The following RNF157 variants were observed in gnomAD, a reference collection of about 807,000 sequenced individuals.
RNF157 encodes E3 ubiquitin ligase RNF157.
A neutral mutation model predicts 88.3 loss-of-function variants in RNF157; 55 were observed. That is an observed-to-expected ratio of 0.62 (90% CI 0.50 to 0.78). The LOEUF is 0.78. Among genes scored for constraint, RNF157 ranks in the 30% least tolerant of loss-of-function variants. RNF157 has a pLI of 0.00. For synonymous variants in RNF157, 334 were observed against 341.2 expected (o/e 0.98, Z 0.23); for missense variants, 788 against 860.8 (o/e 0.92, Z 1.06).
In RNF157 at chr17:76,240,360, T is replaced by G. The variant is rs2070360095; in HGVS notation, c.-120A>C. ...GACTGCCCGCCGCGGCCGGCTCCGC[T>G]GCGGCGCTGCGGCTCTGGCGGCGGG... On this transcript the variant is annotated 5_prime_UTR_variant, in exon 1 of 19. Transcript: ENST00000269391. The surrounding 1 kb of genome is among the most constrained non-coding windows in gnomAD (Gnocchi z 4.4). The G allele has an allele frequency of 4.1e-6, 1 of 243,754 alleles. No homozygotes were observed. The highest frequency in any genetic ancestry group is 6.8e-5 in the Admixed American group (1 of 14,782). The allele number at this position is 243,754 out of a possible 1,614,324, so 15.1% of individuals were successfully genotyped here.
intron 1 of RNF157, among the ~76,000 whole-genome samples, chr17:76,235,596 G>A (rs561002265): frequency 2.0e-5 from 3 of 152,230 alleles, no homozygotes; most frequent in Admixed American, 6.5e-5. Flanking sequence ...ATAGTTATTC[G>A]ACAAAGACTT....
At chr17:76,202,992 T>C (rs1306922875) in intron 2 of RNF157, among the ~76,000 whole-genome samples, 2 of 152,202 alleles carry the variant, frequency 1.3e-5, no homozygotes, top group Non-Finnish European at 2.9e-5. Context: ...AATTAGATTG[T>C]AATAGTTATC....
rs909629091 is a variant in RNF157 at position 76,157,101 on chromosome 17, G to C, written c.1414-780C>G. Among the ~76,000 whole-genome samples, 3 of 152,042 alleles carry C rather than the reference G, an allele frequency of 2.0e-5. No homozygotes were observed. Among genetic ancestry groups the C allele is most frequent in the African/African-American group, 7.2e-5 (3 of 41,400 alleles). On this transcript the variant is annotated intron_variant, in intron 13 of 18. Coordinates refer to ENST00000269391, the MANE Select transcript of RNF157 (RefSeq NM_052916.3). This position sits in a 1 kb window ranked among gnomAD's most constrained non-coding sequence, Gnocchi z 5.6. ...CCTGCCTCAGCCTCCCGAGTAGCTG[G>C]GACTACAGGTGCATGCCACCACACC...
At position 76,159,313 on chromosome 17, in the gene RNF157, G is replaced by A. The variant is rs777676626; in HGVS notation, c.1304+22C>T. 13 of 1,588,712 alleles carry A rather than the reference G, an allele frequency of 8.2e-6. 1 individual carries two copies. The South Asian group carries it at 1.4e-4, about 18-fold the overall frequency. The stretch of plus-strand genomic sequence containing the variant: ...TTCATCAAGGATTCCGGGGGCAACA[G>A]TGTGGAGCACTGGCTACTCACTTGG... On this transcript the variant is annotated intron_variant, in intron 12 of 18. Coordinates refer to ENST00000269391, the MANE Select transcript of RNF157 (RefSeq NM_052916.3).
chr17:76,222,344 C>A (rs1180330533), intron 1 of RNF157, among the ~76,000 whole-genome samples: 1 of 143,144 alleles, frequency 7.0e-6, no homozygotes, highest in East Asian at 2.0e-4. Flanking sequence ...AAGACCCCGT[C>A]TCAAAAAAAA....
At position 76,161,606 on chromosome 17, in the gene RNF157, A is replaced by G. The variant is rs554432329; in HGVS notation, c.994T>C (p.Leu332=). The G allele has an allele frequency of 2.5e-6, 4 of 1,614,028 alleles. No individual in the cohort carries two copies. In the Admixed American group the frequency reaches 5.0e-5, roughly 20 times the overall value. Residue 332 remains leucine (L), a synonymous_variant, in exon 11 of 19, where the codon TTG becomes CTG. Transcript: ENST00000269391. The surrounding 1 kb of genome is among the most constrained non-coding windows in gnomAD (Gnocchi z 4.6). ...LLQIRAMRKK[L]GPLSPTSFNP... ...AAGCTGGTTGGGGACAAGGGGCCCA[A>G]TTTTTTCCTCATGGCTCGGATCTGA...
chr17:76,155,469 T>A, intron 15 of RNF157, 93 bp downstream of exon 15: 1 of 1,513,768 alleles, frequency 6.6e-7, no homozygotes, highest in East Asian at 2.3e-5. Flanking sequence ...TTTGGGGGCT[T>A]TGCAGCCATG....
chr17:76,182,203 T>C (rs1043590439), intron 2 of RNF157, among the ~76,000 whole-genome samples: 2 of 152,138 alleles, frequency 1.3e-5, no homozygotes, highest in African/African-American at 2.4e-5. Flanking sequence ...AGAATGGAAG[T>C]AGAGTTGGGC....
In RNF157 at chr17:76,240,227, G is replaced by C; in HGVS notation, c.14C>G (p.Thr5Arg). 1.5e-6 allele frequency: 2 copies of C among 1,369,828 alleles called. No homozygotes were observed. The highest frequency in any genetic ancestry group is 1.9e-6 in the Non-Finnish European group (2 of 1,046,356). The allele number at this position is 1,369,828 out of a possible 1,614,324, so 84.9% of individuals were successfully genotyped here. A position where few individuals can be genotyped will look rare whatever the true frequency, so the allele number is the denominator to read the frequency against. ...CTCCACGCCCGCGTGCTGCCGGCTC[G>C]TCAGGGCCCCCATGGCCGCTGCGGC... MGALTSRQHAGVEEV... is the reference protein window; with the variant it reads MGALRSRQHAGVEEV... The change falls in exon 1 of 19, where the codon ACG becomes AGG. Residue 5 changes from threonine (T) to arginine (R), a missense_variant. Transcript: ENST00000269391. This position sits in a 1 kb window ranked among gnomAD's most constrained non-coding sequence, Gnocchi z 4.4.
At chr17:76,173,580 G>A in intron 3 of RNF157, 122 bp downstream of exon 3, 2 of 720,568 alleles carry the variant, frequency 2.8e-6, no homozygotes, top group Non-Finnish European at 4.7e-6. Context: ...CTGAGGCCCA[G>A]AGAAGCAAGC....
Position 76,240,345 on chromosome 17 carries a change from C to CGCGGCCGGCTCCGCT in RNF157, c.-120_-106dup, listed in dbSNP as rs1305943574. The CGCGGCCGGCTCCGCT allele has an allele frequency of 8.3e-6, 3 of 360,076 alleles. No individual in the cohort carries two copies. The highest frequency in any genetic ancestry group is 6.7e-5 in the African/African-American group (3 of 44,728). The allele number at this position is 360,076 out of a possible 1,614,324, so 22.3% of individuals were successfully genotyped here. A position where few individuals can be genotyped will look rare whatever the true frequency, so the allele number is the denominator to read the frequency against. The stretch of plus-strand genomic sequence containing the variant: ...CCCGGTGCGGGGGCCGACTGCCCGC[C>CGCGGCCGGCTCCGCT]GCGGCCGGCTCCGCTGCGGCGCTGC... On this transcript the variant is annotated 5_prime_UTR_variant, in exon 1 of 19. Transcript: ENST00000269391. This position sits in a 1 kb window ranked among gnomAD's most constrained non-coding sequence, Gnocchi z 4.4.
chr17:76,196,208 C>T (rs2069475130), intron 2 of RNF157, among the ~76,000 whole-genome samples: 1 of 152,178 alleles, frequency 6.6e-6, no homozygotes, highest in Non-Finnish European at 1.5e-5. Context: ...AGCCAAGGAC[C>T]CTCCTGGGCT....
chr17:76,189,647 G>A (rs1175395673), intron 2 of RNF157, among the ~76,000 whole-genome samples: 1 of 152,116 alleles, frequency 6.6e-6, no homozygotes, highest in Non-Finnish European at 1.5e-5. Flanking sequence ...ACGAAAAGGG[G>A]GCACGGAGCT....
In RNF157 at chr17:76,159,512, G is replaced by T; in HGVS notation, c.1127C>A (p.Pro376His). 1.2e-6 allele frequency: 2 copies of T among 1,607,114 alleles called. No homozygotes were observed. The highest frequency in any genetic ancestry group is 1.7e-6 in the Non-Finnish European group (2 of 1,177,950). ...VVSLLEALNG[P>H]LTPSPAVPPL... ...AGGAACTGCTGGGGACGGGGTGAGG[G>T]GCCCGTTGAGGGCCTCCAGAAGAGA... Residue 376 changes from proline to histidine, a missense_variant, in exon 12 of 19, where the codon CCC becomes CAC. By Grantham distance (77) the Pro-to-His change is moderately conservative. Transcript: ENST00000269391.
intron 2 of RNF157, among the ~76,000 whole-genome samples, chr17:76,202,142 A>T (rs879555466): frequency 2.3e-4 from 35 of 150,160 alleles, no homozygotes; most frequent in African/African-American, 7.1e-4. Flanking sequence ...ACACACACAC[A>T]CACACACACA....
intron 16 of RNF157, among the ~76,000 whole-genome samples, chr17:76,154,846 G>T (rs1043330969): frequency 2.6e-5 from 4 of 152,130 alleles, no homozygotes; most frequent in African/African-American, 9.7e-5. Context: ...CTAGATGGGT[G>T]CAGTGGGCTG....
chr17:76,208,382 C>A (rs1244466651), intron 2 of RNF157, among the ~76,000 whole-genome samples: 1 of 152,214 alleles, frequency 6.6e-6, no homozygotes, highest in Non-Finnish European at 1.5e-5. Context: ...AGGTTCCAAT[C>A]CTGATCCCTT....
Position 76,240,291 on chromosome 17 carries a change from C to T in RNF157, c.-51G>A, listed in dbSNP as rs2070358149. The T allele has an allele frequency of 1.1e-6, 1 of 913,938 alleles. No homozygotes were observed. 56.6% of individuals were successfully genotyped at this position (913,938 alleles called of 1,614,324 possible). On this transcript the variant is annotated 5_prime_UTR_variant, in exon 1 of 19. Coordinates refer to ENST00000269391, the MANE Select transcript of RNF157 (RefSeq NM_052916.3). The surrounding 1 kb of genome is among the most constrained non-coding windows in gnomAD (Gnocchi z 4.4). ...CGGCCCCGGTGCCCGCGCCGCCCTC[C>T]GCGCTTCACCGCGGCCGCCCGCCCC...
intron 1 of RNF157, among the ~76,000 whole-genome samples, chr17:76,224,743 C>CA (rs1190029882): frequency 1.3e-5 from 2 of 151,576 alleles, no homozygotes; most frequent in African/African-American, 4.8e-5. Flanking sequence ...AAAGAAACTG[C>CA]AAAAAAACTC....
Sources: gnomAD v4.1 joint callset for allele counts (sites outside exome capture counted in the v4.1 genomes callset) on GRCh38, gnomAD v4.1.1 for gene constraint, Gnocchi (gnomAD v3.1) non-coding constraint, MANE v1.5 for transcripts, NCBI Gene and HGNC (gene_info 2026-07-23, HGNC 2026-07-21) for gene names.